Variants in APBA1 observed in about 807,000 individuals in gnomAD.
APBA1 encodes amyloid beta precursor protein binding family A member 1, also known as amyloid-beta A4 precursor protein-binding family A member 1.
Under a neutral mutation model 86.6 loss-of-function variants are expected in APBA1, and 55 were observed. That is an observed-to-expected ratio of 0.64 (90% CI 0.51 to 0.80). APBA1 has a LOEUF of 0.80. Ranked by LOEUF, APBA1 falls within the 30% of genes least tolerant of loss-of-function variation. APBA1 has a pLI of 0.00. For missense variants in APBA1, 1,090 were observed against 1,183.0 expected, an observed-to-expected ratio of 0.92 and a Z score of 1.15; for synonymous variants, 511 against 493.9, an observed-to-expected ratio of 1.03 and a Z score of -0.46.
chr9:69,557,118 T>C lies in APBA1; in HGVS notation c.-69-39839A>G, dbSNP rs527584777. On this transcript the variant is annotated intron_variant, in intron 1 of 12. Coordinates refer to ENST00000265381, the MANE Select transcript of APBA1 (RefSeq NM_001163.4). ...ATCTAGAATATTGTATCCACGATCATGAATACTATTATTCATAAAACATGG... is the reference window on the plus strand; with the variant it reads ...ATCTAGAATATTGTATCCACGATCACGAATACTATTATTCATAAAACATGG... Among the ~76,000 whole-genome samples, 21 of 152,342 alleles carry C rather than the reference T, an allele frequency of 1.4e-4. 1 individual carries two copies. The South Asian group carries it at 4.3e-3, about 32-fold the overall frequency.
At position 69,517,289 on chromosome 9, in the gene APBA1, C is replaced by T; in HGVS notation, c.-69-10G>A. ...ATTTTGCTCCACTGGGCTGGAAAAA[C>T]AAGAAGGGGAGAGGCTGTCACGTGG... is the stretch of plus-strand genomic sequence containing the variant. On this transcript the variant is annotated splice_polypyrimidine_tract_variant and intron_variant, in intron 1 of 12. Coordinates refer to ENST00000265381, the MANE Select transcript of APBA1 (RefSeq NM_001163.4). 6.4e-6 allele frequency: 9 copies of T among 1,399,902 alleles called. No individual in the cohort carries two copies. The South Asian group carries it at 1.5e-4, about 23-fold the overall frequency. 86.7% of individuals were successfully genotyped at this position (1,399,902 alleles called of 1,614,324 possible).
At chr9:69,440,239 C>T (rs1834791307) in intron 11 of APBA1, among the ~76,000 whole-genome samples, 2 of 152,192 alleles carry the variant, frequency 1.3e-5, no homozygotes, top group Admixed American at 6.5e-5. Flanking sequence ...CAGGGACACA[C>T]TTCAGGAGGC....
intron 1 of APBA1, among the ~76,000 whole-genome samples, chr9:69,554,416 A>G (rs1247954829): frequency 1.3e-5 from 2 of 152,224 alleles, no homozygotes; most frequent in African/African-American, 4.8e-5. Flanking sequence ...TCTTTATACA[A>G]TTAGTAGGCA....
At chr9:69,564,811 A>G (rs1377289281) in intron 1 of APBA1, among the ~76,000 whole-genome samples, 2 of 152,206 alleles carry the variant, frequency 1.3e-5, no homozygotes, top group African/African-American at 4.8e-5. Flanking sequence ...TGATCCAGTA[A>G]TTCCAGCATG....
At chr9:69,530,210 T>C (rs921660910) in intron 1 of APBA1, among the ~76,000 whole-genome samples, 1 of 151,910 alleles carries the variant, frequency 6.6e-6, no homozygotes, top group Non-Finnish European at 1.5e-5. Flanking sequence ...CATGCACTTA[T>C]ATGTTCATTG....
At chr9:69,496,575 G>A (rs983770196) in intron 2 of APBA1, among the ~76,000 whole-genome samples, 1 of 152,046 alleles carries the variant, frequency 6.6e-6, no homozygotes, top group African/African-American at 2.4e-5. Context: ...GACCACTCTT[G>A]TTGGCAGTCC....
intron 1 of APBA1, among the ~76,000 whole-genome samples, chr9:69,582,060 C>CT (rs1180204509): frequency 2.6e-5 from 4 of 151,964 alleles, no homozygotes; most frequent in African/African-American, 9.7e-5. Context: ...GTCTGAAGAC[C>CT]TTTTTTAGTG....
chr9:69,634,047 C>A (rs996797175), intron 1 of APBA1, among the ~76,000 whole-genome samples: 28 of 152,152 alleles, frequency 1.8e-4, no homozygotes, highest in Non-Finnish European at 1.3e-4. Flanking sequence ...ACTATCCACA[C>A]AATAAAGCAC....
chr9:69,582,068 G>A (rs1414483965), intron 1 of APBA1, among the ~76,000 whole-genome samples: 1 of 152,068 alleles, frequency 6.6e-6, no homozygotes, highest in East Asian at 1.9e-4. Context: ...ACCTTTTTTA[G>A]TGATTACCAA....
At chr9:69,458,298 T>C in intron 5 of APBA1, 110 bp from the exon 6 acceptor site, 1 of 930,786 alleles carries the variant, frequency 1.1e-6, no homozygotes, top group African/African-American at 1.7e-5. Context: ...GCATAAAGCG[T>C]TTCTGTGGGA....
At chr9:69,490,999 T>C in intron 2 of APBA1, among the ~76,000 whole-genome samples, 1 of 152,150 alleles carries the variant, frequency 6.6e-6, no homozygotes, top group Non-Finnish European at 1.5e-5. Context: ...ACTCTTACAC[T>C]GTTGGTGGGA....
intron 1 of APBA1, among the ~76,000 whole-genome samples, chr9:69,658,260 CTT>C (rs772342619): frequency 6.1e-4 from 13 of 21,228 alleles, no homozygotes; most frequent in African/African-American, 6.6e-4. Context: ...TTCTTTCTTT[CTT>C]TCTTTCTTTC....
rs1310405287 is a variant in APBA1 at position 69,430,757 on chromosome 9, TTAGAACTAGCAA to T, written c.*558_*569del. On this transcript the variant is annotated 3_prime_UTR_variant, in exon 13 of 13. Coordinates refer to ENST00000265381, the MANE Select transcript of APBA1 (RefSeq NM_001163.4). ...ATTAGAAAACACACATACGTTGAAA[TTAGAACTAGCAA>T]TAGAAGAGGTTTAAGGTTGGCTCAG... 2 of 152,416 alleles carry T rather than the reference TTAGAACTAGCAA, an allele frequency of 1.3e-5. No individual in the cohort carries two copies. The highest frequency in any genetic ancestry group is 6.6e-5 in the Admixed American group (1 of 15,250). 9.4% of individuals were successfully genotyped at this position (152,416 alleles called of 1,614,324 possible). A position where few individuals can be genotyped will look rare whatever the true frequency, so the allele number is the denominator to read the frequency against.
At chr9:69,658,300 C>CTTTCTTTCTT (rs1564104986) in intron 1 of APBA1, among the ~76,000 whole-genome samples, 1 of 56,084 alleles carries the variant, frequency 1.8e-5, no homozygotes, top group Non-Finnish European at 4.0e-5. Context: ...CTCTTTCTCT[C>CTTTCTTTCTT]TCTCTCTTTC....
chr9:69,641,423 A>G (rs1015018686), intron 1 of APBA1, among the ~76,000 whole-genome samples: 1 of 152,236 alleles, frequency 6.6e-6, no homozygotes, highest in African/African-American at 2.4e-5. Flanking sequence ...TTATATGGAA[A>G]TGCTAAAATC....
chr9:69,439,952 T>C (rs1483062717), intron 11 of APBA1, among the ~76,000 whole-genome samples: 1 of 152,202 alleles, frequency 6.6e-6, no homozygotes, highest in Non-Finnish European at 1.5e-5. Context: ...GACGTACAGA[T>C]GGGTTTTTGG....
chr9:69,605,633 T>A (rs895786381), intron 1 of APBA1, among the ~76,000 whole-genome samples: 1 of 152,246 alleles, frequency 6.6e-6, no homozygotes, highest in African/African-American at 2.4e-5. Flanking sequence ...TAGATTCACC[T>A]GTGCCCTTTG....
intron 1 of APBA1, among the ~76,000 whole-genome samples, chr9:69,572,813 C>T (rs1837137535): frequency 6.6e-6 from 1 of 152,190 alleles, no homozygotes; most frequent in Non-Finnish European, 1.5e-5. Flanking sequence ...AGATACTAAG[C>T]TGTTGGGTGC....
chr9:69,444,071 C>T (rs1306005338), intron 10 of APBA1, among the ~76,000 whole-genome samples: 2 of 152,056 alleles, frequency 1.3e-5, no homozygotes, highest in Non-Finnish European at 2.9e-5. Context: ...TCAATTTCCC[C>T]GCCGTCAGCA....
Sources: allele counts gnomAD v4.1 joint callset (sites outside exome capture counted in the v4.1 genomes callset), GRCh38; gene constraint gnomAD v4.1.1; transcripts MANE v1.5; gene names NCBI Gene and HGNC (gene_info 2026-07-23, HGNC 2026-07-21).